Variants in TRPM2 observed in about 807,000 individuals in gnomAD.
TRPM2 encodes the protein estrogen-responsive element-associated gene 1 protein.
TRPM2 carries 161 observed loss-of-function variants against 174.0 expected under a neutral mutation model. The observed-to-expected ratio is 0.93, with a 90% CI of 0.81 to 1.05. TRPM2 has a LOEUF of 1.05. Ranked by LOEUF, TRPM2 falls within the 50% of genes least tolerant of loss-of-function variation. TRPM2 has a pLI of 0.00. For synonymous variants in TRPM2, 954 were observed against 861.3 expected, an observed-to-expected ratio of 1.11 and a Z score of -1.88; for missense variants, 2,057 against 2,038.0, an observed-to-expected ratio of 1.01 and a Z score of -0.18.
At chr21:44,384,876 C>T (rs1244416453) in intron 9 of TRPM2, among the ~76,000 whole-genome samples, 1 of 152,194 alleles carries the variant, frequency 6.6e-6, no homozygotes, top group African/African-American at 2.4e-5. Flanking sequence ...GTTTAAAGAA[C>T]TAACACCAAT....
chr21:44,426,573 C>T (rs2050787380), intron 25 of TRPM2, 87 bp from the exon 26 acceptor site: 7 of 1,402,606 alleles, frequency 5.0e-6, no homozygotes, highest in Non-Finnish European at 1.0e-6. Flanking sequence ...GGTTCAGACC[C>T]AGCTGAGCAG....
At chr21:44,386,256 G>A (rs2146224730) in intron 9 of TRPM2, among the ~76,000 whole-genome samples, 1 of 152,166 alleles carries the variant, frequency 6.6e-6, no homozygotes, top group South Asian at 2.1e-4. Flanking sequence ...GTGGTGGCGA[G>A]CACCTGTAGG....
At chr21:44,386,429 T>C (rs2049018085) in intron 9 of TRPM2, among the ~76,000 whole-genome samples, 1 of 152,046 alleles carries the variant, frequency 6.6e-6, no homozygotes, top group South Asian at 2.1e-4. Flanking sequence ...AAAAATCTGC[T>C]GCATTTCTAT....
In TRPM2 at chr21:44,423,669, G is replaced by A. The variant is rs778609097; in HGVS notation, c.3486G>A (p.Leu1162=). Residue 1162 remains leucine (L), a synonymous_variant, in exon 23 of 32, where the codon CTG becomes CTA. Transcript: ENST00000397928. ...SNKVDAMVDL[L]DLDPLKRSGS... ...GGGTTGACGCCATGGTGGACCTGCT[G>A]GACCTGGACCCACTGAAGAGGTCGG... is the stretch of plus-strand genomic sequence containing the variant. The A allele has an allele frequency of 1.2e-6, 2 of 1,612,876 alleles. No homozygotes were observed. Among genetic ancestry groups the A allele is most frequent in the African/African-American group, 1.3e-5 (1 of 74,932 alleles).
intron 9 of TRPM2, among the ~76,000 whole-genome samples, chr21:44,390,224 T>A (rs1260111202): frequency 1.3e-5 from 2 of 152,314 alleles, no homozygotes; most frequent in East Asian, 3.9e-4. Context: ...AGCTAAGAGA[T>A]CTCTGCCCAT....
rs2048450932 is a variant in TRPM2 at position 44,369,256 on chromosome 21, C to A, written c.684C>A (p.Ser228Arg). Residue 228 changes from serine (S) to arginine (R), a missense_variant, in exon 5 of 32, where the codon AGC (serine) becomes AGA (arginine). Ser to Arg is a moderately radical substitution (Grantham distance 110). Coordinates refer to ENST00000397928, the MANE Select transcript of TRPM2 (RefSeq NM_003307.4). ...AGGCGGTGCGGGACTTCAGCCTGAG[C>A]AGCAGCTACAAGGAAGGCGAGCTCA... is the stretch of plus-strand genomic sequence containing the variant. The part of the protein sequence containing the change: ...VGEAVRDFSL[S>R]SSYKEGELIT... 1.2e-6 allele frequency: 2 copies of A among 1,613,786 alleles called. No individual in the cohort carries two copies. Among genetic ancestry groups the A allele is most frequent in the Non-Finnish European group, 1.7e-6 (2 of 1,179,938 alleles).
At chr21:44,413,250 A>G (rs961196856) in intron 19 of TRPM2, among the ~76,000 whole-genome samples, 1 of 66,436 alleles carries the variant, frequency 1.5e-5, no homozygotes, top group African/African-American at 5.6e-5. Context: ...TTTTTTTTTA[A>G]TTTTTGAGAC....
Position 44,406,700 on chromosome 21 carries a change from T to C in TRPM2, c.2897T>C (p.Leu966Pro), listed in dbSNP as rs770445071. 3 of 1,609,466 alleles carry C rather than the reference T, an allele frequency of 1.9e-6. No individual in the cohort carries two copies. The highest frequency in any genetic ancestry group is 8.5e-7 in the Non-Finnish European group (1 of 1,179,234). ...CACAACGAGCGCCGGGTGGACTGGC[T>C]GTTCCGAGGGGCCGTCTACCACTCC... is the stretch of plus-strand genomic sequence containing the variant. ...LIHNERRVDW[L>P]FRGAVYHSYL... Residue 966 changes from leucine to proline, a missense_variant, in exon 19 of 32, where the codon CTG (leucine) becomes CCG (proline). Leu to Pro is a moderately conservative substitution (Grantham distance 98, BLOSUM62 -3). Coordinates refer to ENST00000397928, the MANE Select transcript of TRPM2 (RefSeq NM_003307.4).
chr21:44,414,419 C>T (rs570345066), intron 20 of TRPM2, among the ~76,000 whole-genome samples: 4 of 152,340 alleles, frequency 2.6e-5, no homozygotes, highest in African/African-American at 7.2e-5. Flanking sequence ...GTTCCTTCTG[C>T]GCAGGCGCAG....
At chr21:44,388,658 A>T (rs1421463168) in intron 9 of TRPM2, among the ~76,000 whole-genome samples, 2 of 150,018 alleles carry the variant, frequency 1.3e-5, no homozygotes, top group African/African-American at 4.9e-5. Context: ...TACAAAAAAA[A>T]AAAAAAAAAA....
In TRPM2 at chr21:44,419,918, G is replaced by C. The variant is rs921067849; in HGVS notation, c.3461+1363G>C. Among the ~76,000 whole-genome samples the C allele has an allele frequency of 6.2e-5, 8 of 129,462 alleles. 1 individual carries two copies. Among genetic ancestry groups the C allele is most frequent in the South Asian group, 4.9e-4 (2 of 4,084 alleles). 84.9% of individuals were successfully genotyped at this position (129,462 alleles called of 152,430 possible). On this transcript the variant is annotated intron_variant, in intron 22 of 31. Transcript: ENST00000397928. ...GGTAATGGTGATGGTGACAGTGGTG[G>C]TAGTGATGGTAGTGGTGGTGCTGGT...
chr21:44,402,279 A>G (rs1217794251), intron 16 of TRPM2, among the ~76,000 whole-genome samples: 1 of 152,100 alleles, frequency 6.6e-6, no homozygotes, highest in Non-Finnish European at 1.5e-5. Flanking sequence ...GGACCCACAG[A>G]CGCTGGGGAG....
At chr21:44,389,234 T>C (rs1431013779) in intron 9 of TRPM2, among the ~76,000 whole-genome samples, 1 of 152,242 alleles carries the variant, frequency 6.6e-6, no homozygotes, top group East Asian at 1.9e-4. Flanking sequence ...TTGAGATTCA[T>C]CCATGTTGTT....
At chr21:44,353,907 C>G (rs45559540) in intron 1 of TRPM2, 42 bp downstream of exon 1, 3 of 1,579,518 alleles carry the variant, frequency 1.9e-6, no homozygotes. Flanking sequence ...CACGTGGCCA[C>G]GGAGGTCACC....
In TRPM2 at chr21:44,397,784, A is replaced by T; in HGVS notation, c.1970A>T (p.Lys657Met). 2 of 1,602,358 alleles carry T rather than the reference A, an allele frequency of 1.2e-6. No individual in the cohort carries two copies. The highest frequency in any genetic ancestry group is 1.7e-6 in the Non-Finnish European group (2 of 1,174,732). Residue 657 changes from lysine to methionine, a missense_variant, in exon 13 of 32, where the codon AAG (lysine) becomes ATG (methionine). Transcript: ENST00000397928. ...DCIAAALACS[K>M]ILKELSKEEE... is the part of the protein sequence containing the mutation. ...ATCGCAGCGGCCTTGGCCTGCAGCA[A>T]GATCCTGAAGGAACTGTCCAAGGAG...
intron 2 of TRPM2, among the ~76,000 whole-genome samples, chr21:44,357,465 T>C (rs1360702417): frequency 6.6e-6 from 1 of 152,202 alleles, no homozygotes; most frequent in Non-Finnish European, 1.5e-5. Flanking sequence ...GCCTACGTGA[T>C]GGGCTTGGCA....
At chr21:44,412,371 T>G (rs1268679575) in intron 19 of TRPM2, among the ~76,000 whole-genome samples, 1 of 152,208 alleles carries the variant, frequency 6.6e-6, no homozygotes, top group Non-Finnish European at 1.5e-5. Flanking sequence ...TCATCTAATT[T>G]TTTTAGCATA....
chr21:44,400,172 C>A, intron 14 of TRPM2, 87 bp from the exon 15 acceptor site: 1 of 1,112,184 alleles, frequency 9.0e-7, no homozygotes, highest in Non-Finnish European at 1.3e-6. Context: ...GTCCACTAGG[C>A]ACCCCGAGTC....
chr21:44,364,243 C>T lies in TRPM2; in HGVS notation c.384C>T (p.Gly128=), dbSNP rs143653746. 4.4e-5 allele frequency: 71 copies of T among 1,614,178 alleles called. No homozygotes were observed. In the Middle Eastern group the frequency reaches 8.3e-4, roughly 19 times the overall value. Residue 128 remains glycine (G), a synonymous_variant, in exon 3 of 32, where the codon GGC becomes GGT. Transcript: ENST00000397928. ...AGGAGATGCCAACCGATGCCTTTGG[C>T]GACATCGTCTTCACGGGCCTGAGCC... ...HVQEMPTDAF[G]DIVFTGLSQK...
Sources: allele counts gnomAD v4.1 joint callset (sites outside exome capture counted in the v4.1 genomes callset), GRCh38; gene constraint gnomAD v4.1.1; transcripts MANE v1.5; gene names NCBI Gene and HGNC (gene_info 2026-07-23, HGNC 2026-07-21).